NRDC: variants seen among roughly 807,000 people sequenced by gnomAD.
The protein encoded by NRDC is nardilysin.
NRDC carries 54 observed loss-of-function variants against 147.1 expected under a neutral mutation model. The ratio of observed to expected loss-of-function variants is 0.37; its 90% confidence interval spans 0.29 to 0.46. NRDC has a LOEUF of 0.46. NRDC is among the 20% of genes least tolerant of loss of function. NRDC has a pLI of 1.00. For synonymous variants in NRDC, 440 were observed against 482.1 expected, an observed-to-expected ratio of 0.91 and a Z score of 1.14; for missense variants, 1,082 against 1,370.6, an observed-to-expected ratio of 0.79 and a Z score of 3.33.
chr1:51,861,571 C>T (rs1682545374), intron 1 of NRDC, among the ~76,000 whole-genome samples: 1 of 151,916 alleles, frequency 6.6e-6, no homozygotes, highest in South Asian at 2.1e-4. Flanking sequence ...GTCCTGAACT[C>T]CTGAGCCCAG....
Position 51,878,619 on chromosome 1 carries a change from C to A in NRDC, c.-4G>T, listed in dbSNP as rs1178034543. Reference sequence around the variant, plus strand: ...CAACAGTGACTCTCCTCAGCATTCACCACCAAGCTGGAGCGATGGACATCC... The same window carrying A: ...CAACAGTGACTCTCCTCAGCATTCAACACCAAGCTGGAGCGATGGACATCC... On this transcript the variant is annotated 5_prime_UTR_variant, in exon 1 of 31. Transcript: ENST00000352171. The A allele has an allele frequency of 6.2e-7, 1 of 1,606,600 alleles. No homozygotes were observed. Among genetic ancestry groups the A allele is most frequent in the African/African-American group, 1.3e-5 (1 of 74,942 alleles).
chr1:51,868,980 C>T (rs1242337071), intron 1 of NRDC, among the ~76,000 whole-genome samples: 1 of 152,148 alleles, frequency 6.6e-6, no homozygotes, highest in Non-Finnish European at 1.5e-5. Flanking sequence ...CACTCTGTTG[C>T]CCACACTGGA....
intron 17 of NRDC, among the ~76,000 whole-genome samples, chr1:51,807,429 A>G (rs1263007363): frequency 6.6e-6 from 1 of 152,170 alleles, no homozygotes; most frequent in East Asian, 1.9e-4. Context: ...TGGATTTGGT[A>G]GGCATGGTGG....
At chr1:51,847,524 C>T (rs978864030) in intron 1 of NRDC, among the ~76,000 whole-genome samples, 9 of 152,200 alleles carry the variant, frequency 5.9e-5, no homozygotes, top group East Asian at 3.9e-4. Context: ...CCCTGCCCTG[C>T]GGGGAGTCAG....
rs189922349 is a variant in NRDC at position 51,814,254 on chromosome 1, A to G, written c.1620-165T>C. 5.0e-6 allele frequency: 3 copies of G among 598,878 alleles called. No individual in the cohort carries two copies. In the African/African-American group the frequency reaches 5.6e-5, roughly 11 times the overall value. The allele number at this position is 598,878 out of a possible 1,614,324, so 37.1% of individuals were successfully genotyped here. The stretch of plus-strand genomic sequence containing the variant: ...CAACAAACCACCGTGACACAAGTTT[A>G]CCTACATAACAAACCTGCACATATA... On this transcript the variant is annotated intron_variant, in intron 13 of 30. Coordinates refer to ENST00000352171, the MANE Select transcript of NRDC (RefSeq NM_001101662.2).
Position 51,840,240 on chromosome 1 carries a change from T to A in NRDC, c.616A>T (p.Thr206Ser), listed in dbSNP as rs775980524. ...LEERAEARKK[T>S]TEKQSAAALC... The stretch of plus-strand genomic sequence containing the variant: ...ATGACTCGCACCTGTTTTTCAGTAG[T>A]TTTTTTTCTAGCTTCTGCTCTCTCT... The change falls in exon 2 of 31, where the codon ACT (threonine) becomes TCT (serine). Residue 206 changes from threonine (T) to serine (S), a missense_variant. Coordinates refer to ENST00000352171, the MANE Select transcript of NRDC (RefSeq NM_001101662.2). 1.3e-6 allele frequency: 2 copies of A among 1,593,360 alleles called. No individual in the cohort carries two copies. Among genetic ancestry groups the A allele is most frequent in the Admixed American group, 3.6e-5 (2 of 56,098 alleles).
chr1:51,865,076 A>G lies in NRDC; in HGVS notation c.341+13199T>C, dbSNP rs141098139. Among the ~76,000 whole-genome samples the G allele has an allele frequency of 9.0e-3, 1,365 of 152,238 alleles. 34 individuals carry two copies. The South Asian group carries it at 0.095, about 11-fold the overall frequency. ...TCAATGTTTGACTTTATAAACAAGGAGCAAACATAAGCTATGGACTTAGAG... is the reference window on the plus strand; with the variant it reads ...TCAATGTTTGACTTTATAAACAAGGGGCAAACATAAGCTATGGACTTAGAG... On this transcript the variant is annotated intron_variant, in intron 1 of 30. Coordinates refer to ENST00000352171, the MANE Select transcript of NRDC (RefSeq NM_001101662.2).
At chr1:51,877,015 C>A (rs1302720879) in intron 1 of NRDC, among the ~76,000 whole-genome samples, 1 of 152,022 alleles carries the variant, frequency 6.6e-6, no homozygotes, top group African/African-American at 2.4e-5. Context: ...GGTGAAACCC[C>A]GTCTCCACTA....
At chr1:51,862,881 G>A (rs1180932295) in intron 1 of NRDC, among the ~76,000 whole-genome samples, 1 of 151,268 alleles carries the variant, frequency 6.6e-6, no homozygotes, top group Non-Finnish European at 1.5e-5. Flanking sequence ...GTGGTGGCAC[G>A]TGCCTATAAT....
At position 51,821,490 on chromosome 1, in the gene NRDC, T is replaced by C; in HGVS notation, c.1217+8A>G. ...AAGGTGTATGATGTATGAAAATAAA[T>C]ATCTTACTTGTTTGGTATCTGAGAG... is the stretch of plus-strand genomic sequence containing the variant. On this transcript the variant is annotated splice_region_variant and intron_variant, in intron 8 of 30. Coordinates refer to ENST00000352171, the MANE Select transcript of NRDC (RefSeq NM_001101662.2). The C allele has an allele frequency of 6.4e-7, 1 of 1,569,532 alleles. No homozygotes were observed. Among genetic ancestry groups the C allele is most frequent in the Admixed American group, 1.7e-5 (1 of 59,864 alleles).
At chr1:51,803,692 A>T (rs927953662) in intron 20 of NRDC, 122 bp downstream of exon 20, 2 of 719,178 alleles carry the variant, frequency 2.8e-6, no homozygotes, top group African/African-American at 3.6e-5. Context: ...TCAGCCAAGA[A>T]TATTCAAGAT....
At chr1:51,793,452 C>T (rs991724285) in intron 24 of NRDC, among the ~76,000 whole-genome samples, 3 of 152,138 alleles carry the variant, frequency 2.0e-5, no homozygotes, top group African/African-American at 2.4e-5. Context: ...AGGGCCTCTA[C>T]GGAAGGACAA....
chr1:51,841,213 C>A (rs1306300201), intron 1 of NRDC, among the ~76,000 whole-genome samples: 1 of 152,096 alleles, frequency 6.6e-6, no homozygotes, highest in Non-Finnish European at 1.5e-5. Flanking sequence ...CAGGCATGTG[C>A]CACCATCTCA....
chr1:51,866,534 A>G (rs1443046322), intron 1 of NRDC, among the ~76,000 whole-genome samples: 1 of 152,210 alleles, frequency 6.6e-6, no homozygotes, highest in Non-Finnish European at 1.5e-5. Context: ...AAATTGTGGC[A>G]TAGTCATAAA....
rs1289658629 is a variant in NRDC at position 51,840,595 on chromosome 1, TA to T, written c.342-82del. 15 of 952,254 alleles carry T rather than the reference TA, an allele frequency of 1.6e-5. No homozygotes were observed. The South Asian group carries it at 1.7e-4, about 11-fold the overall frequency. The allele number at this position is 952,254 out of a possible 1,614,324, so 59.0% of individuals were successfully genotyped here. On this transcript the variant is annotated intron_variant, in intron 1 of 30. Transcript: ENST00000352171. The stretch of plus-strand genomic sequence containing the variant: ...ACAAGTAATCAGCTTAGCAGAATTT[TA>T]AAAAAAGAATCCAAGTAAAAGTACA...
intron 4 of NRDC, among the ~76,000 whole-genome samples, chr1:51,830,126 G>A (rs572266129): frequency 4.6e-5 from 7 of 151,624 alleles, no homozygotes; most frequent in South Asian, 4.2e-4. Flanking sequence ...CACCGGACCC[G>A]GCTAATTTTT....
At chr1:51,808,944 T>G (rs1016798383) in intron 17 of NRDC, among the ~76,000 whole-genome samples, 1 of 152,226 alleles carries the variant, frequency 6.6e-6, no homozygotes, top group Non-Finnish European at 1.5e-5. Flanking sequence ...CTTCACAACC[T>G]TCTAATGGGC....
intron 1 of NRDC, chr1:51,862,148 T>A (rs1162724327): frequency 6.6e-6 from 1 of 152,200 alleles, no homozygotes; most frequent in African/African-American, 2.4e-5. Context: ...AGCATGAAAA[T>A]CTGGCATGGT....
chr1:51,853,222 A>ATAT (rs900473338), intron 1 of NRDC, among the ~76,000 whole-genome samples: 7 of 144,334 alleles, frequency 4.8e-5, no homozygotes, highest in African/African-American at 1.9e-4. Flanking sequence ...TCTCCAAAAA[A>ATAT]AAATATATAT....
Sources: allele counts gnomAD v4.1 joint callset (sites outside exome capture counted in the v4.1 genomes callset), GRCh38; gene constraint gnomAD v4.1.1; transcripts MANE v1.5; gene names NCBI Gene and HGNC (gene_info 2026-07-23, HGNC 2026-07-21).